Variants in RNF215 observed in about 807,000 individuals in gnomAD.
RNF215 encodes the protein ring finger protein 215.
Under a neutral mutation model 44.8 loss-of-function variants are expected in RNF215, and 41 were observed. The observed-to-expected ratio is 0.92, with a 90% CI of 0.71 to 1.19. RNF215 has a LOEUF of 1.19. Ranked by LOEUF, RNF215 falls within the 50% of genes most tolerant of loss-of-function variation. RNF215 has a pLI of 0.00. For missense variants in RNF215, 452 were observed against 496.2 expected, an observed-to-expected ratio of 0.91 and a Z score of 0.85; for synonymous variants, 218 against 230.1, an observed-to-expected ratio of 0.95 and a Z score of 0.48.
intron 5 of RNF215, among the ~76,000 whole-genome samples, chr22:30,381,216 C>T (rs886856541): frequency 1.3e-5 from 2 of 152,214 alleles, no homozygotes; most frequent in African/African-American, 2.4e-5. Context: ...CTCTACCCAG[C>T]GTTCCCTTGC....
Position 30,387,241 on chromosome 22 carries a change from G to A in RNF215, c.73C>T (p.Leu25=), listed in dbSNP as rs1418154349. 6.9e-6 allele frequency: 7 copies of A among 1,014,912 alleles called. No homozygotes were observed. Among genetic ancestry groups the A allele is most frequent in the African/African-American group, 3.5e-5 (2 of 57,560 alleles). 62.9% of individuals were successfully genotyped at this position (1,014,912 alleles called of 1,614,324 possible). The change falls in exon 1 of 9, where the codon CTG becomes TTG. Residue 25 remains leucine (L), a synonymous_variant. Transcript: ENST00000382363. ...CACAGCGGCAGCAGGGGCAGCAGCA[G>A]CAGCAGCGGAGACGGAGGCGGCGGC... The part of the protein sequence containing the change: ...PPPPPPSPLL[L]LLPLLPLWLG...
At position 30,380,323 on chromosome 22, in the gene RNF215, G is replaced by A. The variant is rs758208193; in HGVS notation, c.823C>T (p.Arg275Trp). Residue 275 changes from arginine (R) to tryptophan (W), a missense_variant, in exon 6 of 9, where the codon CGG (arginine) becomes TGG (tryptophan). Coordinates refer to ENST00000382363, the MANE Select transcript of RNF215 (RefSeq NM_001017981.2). The surrounding 1 kb of genome is among the most constrained non-coding windows in gnomAD (Gnocchi z 5.3). ...CGCTGGCTCTGCCGCGACGCCTGCCGCTGGGCCTGGACCACGAGGCCTGTG... is the reference window on the plus strand; with the variant it reads ...CGCTGGCTCTGCCGCGACGCCTGCCACTGGGCCTGGACCACGAGGCCTGTG... Reference protein sequence around the residue: ...LCTGLVVQAQRQASRQSQREL... With the variant: ...LCTGLVVQAQWQASRQSQREL... 1.4e-5 allele frequency: 23 copies of A among 1,611,242 alleles called. 1 individual carries two copies. The highest frequency in any genetic ancestry group is 3.3e-5 in the South Asian group (3 of 90,954).
Position 30,379,484 on chromosome 22 carries a change from G to C in RNF215, c.*116C>G. The C allele has an allele frequency of 1.5e-6, 2 of 1,296,916 alleles. No individual in the cohort carries two copies. The highest frequency in any genetic ancestry group is 2.1e-6 in the Non-Finnish European group (2 of 944,958). The allele number at this position is 1,296,916 out of a possible 1,614,324, so 80.3% of individuals were successfully genotyped here. A position where few individuals can be genotyped will look rare whatever the true frequency, so the allele number is the denominator to read the frequency against. On this transcript the variant is annotated 3_prime_UTR_variant, in exon 9 of 9. Coordinates refer to ENST00000382363, the MANE Select transcript of RNF215 (RefSeq NM_001017981.2). ...CCCTCATCCTTCCTCCCACCCACTG[G>C]GCTTGCTGTCCTGTCTATCCTGCTG...
At chr22:30,381,727 G>T (rs1477169662) in intron 5 of RNF215, among the ~76,000 whole-genome samples, 1 of 152,188 alleles carries the variant, frequency 6.6e-6, no homozygotes, top group African/African-American at 2.4e-5. Flanking sequence ...AGACAAGCCT[G>T]GTGCTGCTAG....
At chr22:30,386,542 A>G in intron 2 of RNF215, 74 bp downstream of exon 2, 2 of 1,533,082 alleles carry the variant, frequency 1.3e-6, no homozygotes, top group African/African-American at 1.4e-5. Context: ...GGGCCCATCT[A>G]AGGAGGGCCT....
In RNF215 at chr22:30,383,724, G is replaced by A. The variant is rs546232291; in HGVS notation, c.744+615C>T. Among the ~76,000 whole-genome samples the A allele has an allele frequency of 2.8e-4, 43 of 152,262 alleles. 2 individuals carry two copies. The South Asian group carries it at 8.5e-3, about 30-fold the overall frequency. On this transcript the variant is annotated intron_variant, in intron 5 of 8. Transcript: ENST00000382363. ...TGGCTGTCAGGAGACAAAGTGACGC[G>A]CCTCATCACATGCAGGATGGGCTGT...
Position 30,379,745 on chromosome 22 carries a change from C to A in RNF215, c.1077G>T (p.Gln359His). The A allele has an allele frequency of 6.4e-7, 1 of 1,566,850 alleles. No homozygotes were observed. Among genetic ancestry groups the A allele is most frequent in the Non-Finnish European group, 8.6e-7 (1 of 1,156,384 alleles). The change falls in exon 8 of 9, where the codon CAG becomes CAT. Residue 359 changes from glutamine (Q) to histidine (H), a missense_variant. Transcript: ENST00000382363. ...RDCVDPWLML[Q>H]QTCPLCKFNV... ...TGAATTTGCACAGTGGGCAGGTCTG[C>A]TGGAGCATCAGCCAGGGGTCCACAC...
intron 2 of RNF215, among the ~76,000 whole-genome samples, 166 bp downstream of exon 2, chr22:30,386,450 T>C (rs56222115): frequency 0.042 from 6,357 of 152,260 alleles, 176 homozygotes; most frequent in East Asian, 0.088. Context: ...CTCACCTCCC[T>C]GCTTCGAAGC....
At position 30,386,081 on chromosome 22, in the gene RNF215, C is replaced by T. The variant is rs200183734; in HGVS notation, c.490G>A (p.Val164Met). Residue 164 changes from valine (V) to methionine (M), a missense_variant, in exon 3 of 9, where the codon GTG (valine) becomes ATG (methionine). Coordinates refer to ENST00000382363, the MANE Select transcript of RNF215 (RefSeq NM_001017981.2). ...CTGGTCCGATTTACCTCTCGGACCACGTTGTGGTTCAGGATGAGAAGAAGC... is the reference window on the plus strand; with the variant it reads ...CTGGTCCGATTTACCTCTCGGACCATGTTGTGGTTCAGGATGAGAAGAAGC... Reference protein sequence around the residue: ...ALLLLILNHNVVRELDISQLL... With the variant: ...ALLLLILNHNMVRELDISQLL... The T allele has an allele frequency of 7.4e-6, 12 of 1,612,130 alleles. 1 individual carries two copies. The highest frequency in any genetic ancestry group is 3.3e-5 in the South Asian group (3 of 90,926).
intron 5 of RNF215, among the ~76,000 whole-genome samples, chr22:30,383,594 G>A (rs909152514): frequency 4.6e-5 from 7 of 152,218 alleles, no homozygotes; most frequent in African/African-American, 9.6e-5. Flanking sequence ...AGACCGGGAC[G>A]TGACTGCCCA....
intron 2 of RNF215, 124 bp downstream of exon 2, chr22:30,386,492 C>T (rs1933601460): frequency 7.8e-6 from 10 of 1,273,966 alleles, no homozygotes; most frequent in Non-Finnish European, 9.7e-6. Context: ...ACTGGGGTGC[C>T]CTGACCCACC....
Position 30,385,883 on chromosome 22 carries a change from G to C in RNF215, c.587+21C>G, listed in dbSNP as rs753690412. 8.7e-6 allele frequency: 14 copies of C among 1,610,600 alleles called. No individual in the cohort carries two copies. The South Asian group carries it at 1.5e-4, about 18-fold the overall frequency. On this transcript the variant is annotated intron_variant, in intron 4 of 8. Transcript: ENST00000382363. ...TCTCTGTACCCAGGGTCAGTCCTTT[G>C]AAGTCTAAATACCAACTCACTGCAG...
Position 30,385,958 on chromosome 22 carries a change from A to G in RNF215, c.533T>C (p.Val178Ala), listed in dbSNP as rs749705434. Residue 178 changes from valine to alanine, a missense_variant, in exon 4 of 9, where the codon GTG (valine) becomes GCG (alanine). By Grantham distance (64) the Val-to-Ala change is moderately conservative. Coordinates refer to ENST00000382363, the MANE Select transcript of RNF215 (RefSeq NM_001017981.2). ...LDISQLLLRP[V>A]IVLHYSSNVT... ...ATTGGAGGAATAATGGAGGACGATC[A>G]CTGGCCTGAGCAGAAGCTGGGATAT... The G allele has an allele frequency of 3.1e-6, 5 of 1,614,152 alleles. No individual in the cohort carries two copies. The South Asian group carries it at 5.5e-5, about 18-fold the overall frequency.
Position 30,384,335 on chromosome 22 carries a change from C to G in RNF215, c.744+4G>C. 6.2e-7 allele frequency: 1 copy of G among 1,612,232 alleles called. No homozygotes were observed. The highest frequency in any genetic ancestry group is 8.5e-7 in the Non-Finnish European group (1 of 1,178,594). ...TAGGCCCCATGTAATCTGCTAGCACCCACCTGCTCCTGGGCACGACTGCCT... is the reference window on the plus strand; with the variant it reads ...TAGGCCCCATGTAATCTGCTAGCACGCACCTGCTCCTGGGCACGACTGCCT... On this transcript the variant is annotated splice_donor_region_variant and intron_variant, in intron 5 of 8. Coordinates refer to ENST00000382363, the MANE Select transcript of RNF215 (RefSeq NM_001017981.2).
chr22:30,385,524 T>C (rs983558867), intron 4 of RNF215, among the ~76,000 whole-genome samples: 3 of 149,316 alleles, frequency 2.0e-5, no homozygotes, highest in South Asian at 2.1e-4. Context: ...CGGGGGCTCC[T>C]GCCTGTAATC....
intron 5 of RNF215, among the ~76,000 whole-genome samples, chr22:30,382,127 C>T (rs1933537336): frequency 6.6e-6 from 1 of 152,152 alleles, no homozygotes; most frequent in Non-Finnish European, 1.5e-5. Context: ...GGGGGCCAGC[C>T]GCGGTGGTTC....
In RNF215 at chr22:30,379,211, T is replaced by A. The variant is rs1372624716; in HGVS notation, c.*389A>T. On this transcript the variant is annotated 3_prime_UTR_variant, in exon 9 of 9. Transcript: ENST00000382363. ...ATAAATAAGCACAAAACCTGGCCAC[T>A]GTAGTCTCAGCCCCCAGGAATTCCC... is the stretch of plus-strand genomic sequence containing the variant. 1.2e-5 allele frequency: 3 copies of A among 248,908 alleles called. No homozygotes were observed. The highest frequency in any genetic ancestry group is 1.2e-4 in the South Asian group (2 of 17,270). 15.4% of individuals were successfully genotyped at this position (248,908 alleles called of 1,614,324 possible). A position where few individuals can be genotyped will look rare whatever the true frequency, so the allele number is the denominator to read the frequency against.
Position 30,386,608 on chromosome 22 carries a change from C to T in RNF215, c.429+8G>A, listed in dbSNP as rs774464946. ...TCCAGCCCCCTCCCCCATAGACATCCCCTGCACCTGCTGGACCAGGGCCTT... is the reference window on the plus strand; with the variant it reads ...TCCAGCCCCCTCCCCCATAGACATCTCCTGCACCTGCTGGACCAGGGCCTT... On this transcript the variant is annotated splice_region_variant and intron_variant, in intron 2 of 8. Transcript: ENST00000382363. 6 of 1,610,556 alleles carry T rather than the reference C, an allele frequency of 3.7e-6. No homozygotes were observed. The highest frequency in any genetic ancestry group is 5.1e-6 in the Non-Finnish European group (6 of 1,178,758).
At position 30,380,860 on chromosome 22, in the gene RNF215, C is replaced by G. The variant is rs1933521026; in HGVS notation, c.745-459G>C. On this transcript the variant is annotated intron_variant, in intron 5 of 8. Transcript: ENST00000382363. This position sits in a 1 kb window ranked among gnomAD's most constrained non-coding sequence, Gnocchi z 5.3. ...ATCCAGCCTGAATGTTCGCACCCCC[C>G]TGTACGGGAGGGAGCCAGCCCCCAA... 8.5e-5 allele frequency among the ~76,000 whole-genome samples: 13 copies of G among 152,158 alleles called. No individual in the cohort carries two copies. The highest frequency in any genetic ancestry group is 8.5e-4 in the Admixed American group (13 of 15,278).
Sources: gnomAD v4.1 joint callset for allele counts (sites outside exome capture counted in the v4.1 genomes callset) on GRCh38, gnomAD v4.1.1 for gene constraint, Gnocchi (gnomAD v3.1) non-coding constraint, MANE v1.5 for transcripts, NCBI Gene and HGNC (gene_info 2026-07-23, HGNC 2026-07-21) for gene names.